Variants in ZNG1C observed in about 807,000 individuals in gnomAD.
The protein encoded by ZNG1C is Zn regulated GTPase metalloprotein activator 1C, also known as zinc-regulated GTPase metalloprotein activator 1C.
At chr9:68,296,611 A>T in the ZNG1C span, among the ~76,000 whole-genome samples, 1 of 152,274 alleles carries the variant, frequency 6.6e-6, no homozygotes, top group East Asian at 1.9e-4. Flanking sequence ...GCTAGGCCAG[A>T]TACGCAGTTC....
the ZNG1C span, among the ~76,000 whole-genome samples, chr9:68,247,089 C>T: frequency 3.9e-5 from 6 of 152,118 alleles, no homozygotes; most frequent in African/African-American, 1.4e-4. Context: ...GCCTTGGCCT[C>T]CCTATAAGTT....
the ZNG1C span, among the ~76,000 whole-genome samples, chr9:68,296,314 G>A: frequency 6.6e-6 from 1 of 152,110 alleles, no homozygotes; most frequent in African/African-American, 2.4e-5. Flanking sequence ...GGGGACTCAG[G>A]GAGAAAGGGT....
the ZNG1C span, among the ~76,000 whole-genome samples, chr9:68,267,252 A>C: frequency 1.3e-5 from 2 of 152,236 alleles, no homozygotes; most frequent in African/African-American, 4.8e-5. Context: ...AATAAAGGTA[A>C]GGCTCATTAG....
At chr9:68,296,092 A>G in the ZNG1C span, among the ~76,000 whole-genome samples, 1 of 145,722 alleles carries the variant, frequency 6.9e-6, no homozygotes, top group African/African-American at 2.6e-5. Context: ...GCGTGGATAA[A>G]GTAACTGTGA....
chr9:68,294,054 A>T, the ZNG1C span, among the ~76,000 whole-genome samples: 1 of 152,050 alleles, frequency 6.6e-6, no homozygotes, highest in Non-Finnish European at 1.5e-5. Context: ...ATGCAGATAC[A>T]TGGAATAACC....
At chr9:68,263,087 G>GA in the ZNG1C span, among the ~76,000 whole-genome samples, 2 of 146,864 alleles carry the variant, frequency 1.4e-5, no homozygotes, top group African/African-American at 2.6e-5. Flanking sequence ...CTTTTAGAAG[G>GA]AAAAAATGTT....
At chr9:68,291,676 GA>G in the ZNG1C span, among the ~76,000 whole-genome samples, 1 of 142,438 alleles carries the variant, frequency 7.0e-6, no homozygotes, top group African/African-American at 2.7e-5. Flanking sequence ...AGTTCAATTT[GA>G]ATCTTTTTTT....
At chr9:68,244,333 A>G in the ZNG1C span, among the ~76,000 whole-genome samples, 3 of 86,076 alleles carry the variant, frequency 3.5e-5, no homozygotes, top group Admixed American at 2.6e-4. Flanking sequence ...TCTCTCTTCC[A>G]TACTATACTT....
At chr9:68,262,177 T>TG in the ZNG1C span, among the ~76,000 whole-genome samples, 1 of 121,330 alleles carries the variant, frequency 8.2e-6, no homozygotes, top group East Asian at 2.1e-4. Context: ...AGCTTTCCTA[T>TG]GGGCATAGAA....
At chr9:68,259,721 G>C in the ZNG1C span, among the ~76,000 whole-genome samples, 3,445 of 150,460 alleles carry the variant, frequency 0.023, no homozygotes, top group Admixed American at 0.075. Context: ...ATGTTGACCA[G>C]CCTGGTCATG....
the ZNG1C span, among the ~76,000 whole-genome samples, chr9:68,291,791 GC>G: frequency 6.6e-6 from 1 of 151,700 alleles, no homozygotes; most frequent in Non-Finnish European, 1.5e-5. Context: ...GCGTTCTAGA[GC>G]CCAACACATC....
At chr9:68,279,676 C>T in the ZNG1C span, among the ~76,000 whole-genome samples, 53 of 71,524 alleles carry the variant, frequency 7.4e-4, no homozygotes, top group Non-Finnish European at 6.2e-4. Flanking sequence ...CCAAGAGATC[C>T]GCTGTTAGTC....
the ZNG1C span, among the ~76,000 whole-genome samples, chr9:68,295,810 ATAG>A: frequency 2.8e-4 from 18 of 63,538 alleles, no homozygotes; most frequent in East Asian, 5.2e-3. Flanking sequence ...AATCAAAAAA[ATAG>A]TAGATGTTGG....
chr9:68,275,344 A>ATAC, the ZNG1C span, among the ~76,000 whole-genome samples: 2 of 141,342 alleles, frequency 1.4e-5, no homozygotes, highest in East Asian at 2.7e-4. Flanking sequence ...ATTTATTATT[A>ATAC]TTTAAGTTTT....
the ZNG1C span, among the ~76,000 whole-genome samples, chr9:68,257,339 C>T: frequency 6.3e-5 from 8 of 126,568 alleles, no homozygotes; most frequent in African/African-American, 1.2e-4. Flanking sequence ...CACCCTGCCT[C>T]TTTTGTTTTT....
At chr9:68,279,569 C>T in the ZNG1C span, among the ~76,000 whole-genome samples, 1 of 147,322 alleles carries the variant, frequency 6.8e-6, no homozygotes, top group Non-Finnish European at 1.5e-5. Flanking sequence ...ACTTATGAAG[C>T]TTAGTCTGGC....
chr9:68,291,738 C>G, the ZNG1C span, among the ~76,000 whole-genome samples: 2 of 151,572 alleles, frequency 1.3e-5, no homozygotes, highest in African/African-American at 4.9e-5. Context: ...TCCGCTTTTC[C>G]TATTACTACT....
the ZNG1C span, chr9:68,299,253 A>C: frequency 1.3e-6 from 2 of 1,541,096 alleles, no homozygotes; most frequent in Non-Finnish European, 1.7e-6. Context: ...CGTTCGTAAA[A>C]GCTTGTTAGG....
the ZNG1C span, among the ~76,000 whole-genome samples, chr9:68,247,272 GTATATAAA>G: frequency 1.3e-5 from 2 of 151,576 alleles, no homozygotes; most frequent in African/African-American, 4.9e-5. Context: ...ACAGAATCCA[GTATATAAA>G]ACATACTAGT....
Sources: allele counts gnomAD v4.1 joint callset (sites outside exome capture counted in the v4.1 genomes callset), GRCh38; gene constraint gnomAD v4.1.1; transcripts MANE v1.5; gene names NCBI Gene and HGNC (gene_info 2026-07-23, HGNC 2026-07-21).